SRRT: variants seen among roughly 807,000 people sequenced by gnomAD.
SRRT encodes serrate, RNA effector molecule.
In SRRT, 32 loss-of-function variants were observed where a neutral mutation model predicts 103.2. That is an observed-to-expected ratio of 0.31 (90% confidence interval 0.23 to 0.42). The LOEUF (loss-of-function observed/expected upper bound fraction) is 0.42, where lower values mean the gene tolerates loss of function less well. Ranked by LOEUF, SRRT falls within the 10% of genes least tolerant of loss-of-function variation. SRRT has a pLI of 1.00. For missense variants in SRRT, 986 were observed against 1,207.5 expected, an observed-to-expected ratio of 0.82 and a Z score of 2.72; for synonymous variants, 525 against 449.0, an observed-to-expected ratio of 1.17 and a Z score of -2.14.
rs1789611499 is a variant in SRRT, at chr7:100,881,883, A to G, written c.398+78A>G. On this transcript the variant is annotated intron_variant, in intron 4 of 19. Transcript: ENST00000611405. ...GTTGCTGAAGGCCATGGCTGAAGCC[A>G]GGGAGCGGGTCAGGCACACAGAGGC... is the stretch of plus-strand genomic sequence containing the variant. 3.3e-6 allele frequency: 5 copies of G among 1,522,330 alleles called. No individual in the cohort carries two copies. The South Asian group carries it at 6.4e-5, about 19-fold the overall frequency. The allele number at this position is 1,522,330 out of a possible 1,614,324, so 94.3% of individuals were successfully genotyped here. A position where few individuals can be genotyped will look rare whatever the true frequency, so the allele number is the denominator to read the frequency against.
Position 100,887,892 on chromosome 7 carries a change from C to T in SRRT, c.2326+33C>T, listed in dbSNP as rs1383605199. 3 of 1,583,904 alleles carry T rather than the reference C, an allele frequency of 1.9e-6. No individual in the cohort carries two copies. Among genetic ancestry groups the T allele is most frequent in the East Asian group, 2.3e-5 (1 of 44,212 alleles). ...ACGATCCATGAAGGTCGCATGTGCC[C>T]TCTTCCTTGACTACCCAGGGACTCC... On this transcript the variant is annotated intron_variant, in intron 17 of 19. Transcript: ENST00000611405. The surrounding 1 kb of genome is among the most constrained non-coding windows in gnomAD (Gnocchi z 4.1).
chr7:100,885,140 A>G lies in SRRT; in HGVS notation c.1160-73A>G, dbSNP rs1177929857. 4 of 1,601,858 alleles carry G rather than the reference A, an allele frequency of 2.5e-6. No homozygotes were observed. The African/African-American group carries it at 5.4e-5, about 22-fold the overall frequency. On this transcript the variant is annotated intron_variant, in intron 9 of 19. Coordinates refer to ENST00000611405, the MANE Select transcript of SRRT (RefSeq NM_015908.6). The surrounding 1 kb of genome is among the most constrained non-coding windows in gnomAD (Gnocchi z 4.8). ...GGAGGGTGGGTGGCTTTTAGGGGAA[A>G]GCTTCTGTATCCTCCCCACCACAAT...
At chr7:100,883,998 G>T (rs768709631) in intron 5 of SRRT, 72 bp from the exon 6 acceptor site, 201 of 1,487,212 alleles carry the variant, frequency 1.4e-4, no homozygotes, top group Non-Finnish European at 1.7e-4. Flanking sequence ...TGTCTTTCCT[G>T]GGCCCCTTCC....
At chr7:100,883,924 C>T in intron 5 of SRRT, 146 bp from the exon 6 acceptor site, 1 of 859,778 alleles carries the variant, frequency 1.2e-6, no homozygotes. Flanking sequence ...CTAGCGCACC[C>T]CTATCCCTTA....
At chr7:100,879,895 TG>T (rs1490621140) in intron 2 of SRRT, among the ~76,000 whole-genome samples, 1 of 151,910 alleles carries the variant, frequency 6.6e-6, no homozygotes, top group Non-Finnish European at 1.5e-5. Context: ...GTGGAGAGGC[TG>T]GTGACTGGTC....
At chr7:100,875,400 G>T in intron 1 of SRRT, 72 bp downstream of exon 1, 1 of 1,385,098 alleles carries the variant, frequency 7.2e-7, no homozygotes, top group Admixed American at 2.8e-5. Flanking sequence ...GGGCGGGCGC[G>T]GAGAAACTCG....
At chr7:100,884,037 G>C (rs1180501141) in intron 5 of SRRT, 33 bp from the exon 6 acceptor site, 1 of 1,550,106 alleles carries the variant, frequency 6.5e-7, no homozygotes, top group Non-Finnish European at 8.7e-7. Context: ...TCCAATAACT[G>C]TTTTGTCTTT....
Position 100,882,429 on chromosome 7 carries a change from C to T in SRRT, c.587+188C>T, listed in dbSNP as rs572330945. 8.3e-5 allele frequency: 50 copies of T among 602,460 alleles called. No individual in the cohort carries two copies. The highest frequency in any genetic ancestry group is 5.4e-4 in the South Asian group (27 of 49,834). The allele number at this position is 602,460 out of a possible 1,614,324, so 37.3% of individuals were successfully genotyped here. On this transcript the variant is annotated intron_variant, in intron 5 of 19. Transcript: ENST00000611405. This position sits in a 1 kb window ranked among gnomAD's most constrained non-coding sequence, Gnocchi z 4.2. ...TCAGCAACTGCCACGGCCCCCGCCC[C>T]GCCCTGTCTCCTGTCCTGCTGTCCT...
At chr7:100,886,746 C>T (rs1271122932) in intron 13 of SRRT, 49 bp from the exon 14 acceptor site, 1 of 1,601,620 alleles carries the variant, frequency 6.2e-7, no homozygotes, top group Admixed American at 1.7e-5. Context: ...CTCAGGTTAC[C>T]TCCTCTGAAG....
intron 2 of SRRT, among the ~76,000 whole-genome samples, chr7:100,877,144 CG>C (rs1563009992): frequency 6.6e-6 from 1 of 151,502 alleles, no homozygotes; most frequent in African/African-American, 2.4e-5. Context: ...AAAAGCCAGC[CG>C]GGCCCAGTGG....
At position 100,887,914 on chromosome 7, in the gene SRRT, C is replaced by A; in HGVS notation, c.2326+55C>A. 6.4e-7 allele frequency: 1 copy of A among 1,565,678 alleles called. No homozygotes were observed. ...GCCCTCTTCCTTGACTACCCAGGGACTCCTGTTTCTCTTTAACGTGTCACC... is the reference window on the plus strand; with the variant it reads ...GCCCTCTTCCTTGACTACCCAGGGAATCCTGTTTCTCTTTAACGTGTCACC... On this transcript the variant is annotated intron_variant, in intron 17 of 19. Coordinates refer to ENST00000611405, the MANE Select transcript of SRRT (RefSeq NM_015908.6). The surrounding 1 kb of genome is among the most constrained non-coding windows in gnomAD (Gnocchi z 4.1).
chr7:100,877,146 G>A (rs1180765628), intron 2 of SRRT, among the ~76,000 whole-genome samples: 1 of 151,582 alleles, frequency 6.6e-6, no homozygotes, highest in African/African-American at 2.4e-5. Flanking sequence ...AAGCCAGCCG[G>A]GCCCAGTGGC....
rs1350135190 is a variant in SRRT at position 100,885,878 on chromosome 7, C to T, written c.1395C>T (p.Gly465=). The T allele has an allele frequency of 5.0e-6, 8 of 1,614,094 alleles. No homozygotes were observed. Among genetic ancestry groups the T allele is most frequent in the Non-Finnish European group, 5.9e-6 (7 of 1,180,032 alleles). ...PQPERRFFRR[G]WVTFDRSVNI... ...TCTTGTGTAGGTTTTTCCGTCGTGG[C>T]TGGGTGACCTTCGACCGCAGTGTTA... is the stretch of plus-strand genomic sequence containing the variant. The change falls in exon 12 of 20, where the codon GGC becomes GGT. Residue 465 remains glycine, a synonymous_variant. Transcript: ENST00000611405. The surrounding 1 kb of genome is among the most constrained non-coding windows in gnomAD (Gnocchi z 4.8).
intron 2 of SRRT, among the ~76,000 whole-genome samples, chr7:100,876,126 G>A (rs993655595): frequency 1.3e-5 from 2 of 152,156 alleles, no homozygotes; most frequent in East Asian, 3.8e-4. Context: ...CCAGGGGGAG[G>A]CCATCACGCC....
intron 2 of SRRT, 188 bp downstream of exon 2, chr7:100,875,900 C>G (rs1015912836): frequency 1.6e-6 from 1 of 622,088 alleles, no homozygotes; most frequent in African/African-American, 1.8e-5. Flanking sequence ...TTTTGAAATT[C>G]TCTGCAGATC....
chr7:100,881,881 C>T, intron 4 of SRRT, 76 bp downstream of exon 4: 1 of 1,523,184 alleles, frequency 6.6e-7, no homozygotes, highest in East Asian at 2.3e-5. Flanking sequence ...ATGGCTGAAG[C>T]CAGGGAGCGG....
chr7:100,875,850 G>T (rs1029179047), intron 2 of SRRT, 138 bp downstream of exon 2: 9 of 1,123,064 alleles, frequency 8.0e-6, no homozygotes, highest in Non-Finnish European at 1.1e-5. Flanking sequence ...CTGTGGTTCA[G>T]CCTATTTGCT....
rs554358971 is a variant in SRRT, at chr7:100,888,180, G to A, written c.2428+37G>A. ...AGGGAGATGAAGGGGCTTGGTGAGT[G>A]TGTGGCTTTGGGAGAAGAAAACAGA... On this transcript the variant is annotated intron_variant, in intron 18 of 19. Coordinates refer to ENST00000611405, the MANE Select transcript of SRRT (RefSeq NM_015908.6). 9 of 1,600,820 alleles carry A rather than the reference G, an allele frequency of 5.6e-6. 1 individual carries two copies. The African/African-American group carries it at 1.1e-4, about 19-fold the overall frequency.
chr7:100,888,455 T>C lies in SRRT; in HGVS notation c.2556-19T>C. ...TTTTGGGAGCCCTCAGCTCTCATCCTGTACCTCTCACCTCACAGGATGGTT... is the reference window on the plus strand; with the variant it reads ...TTTTGGGAGCCCTCAGCTCTCATCCCGTACCTCTCACCTCACAGGATGGTT... On this transcript the variant is annotated intron_variant, in intron 19 of 19. Transcript: ENST00000611405. 6.2e-7 allele frequency: 1 copy of C among 1,614,008 alleles called. No homozygotes were observed. Among genetic ancestry groups the C allele is most frequent in the Non-Finnish European group, 8.5e-7 (1 of 1,179,920 alleles).
Sources: gnomAD v4.1 joint callset for allele counts (sites outside exome capture counted in the v4.1 genomes callset) on GRCh38, gnomAD v4.1.1 for gene constraint, Gnocchi (gnomAD v3.1) non-coding constraint, MANE v1.5 for transcripts, NCBI Gene and HGNC (gene_info 2026-07-23, HGNC 2026-07-21) for gene names.